The following KLHL1 variants were observed in gnomAD, a reference collection of about 807,000 sequenced individuals.
KLHL1 encodes the protein kelch like family member 1.
KLHL1 carries 47 observed loss-of-function variants against 77.7 expected under a neutral mutation model. The ratio of observed to expected loss-of-function variants is 0.60; its 90% CI spans 0.48 to 0.77. The LOEUF (loss-of-function observed/expected upper bound fraction) is 0.77. Among genes scored for constraint, KLHL1 ranks in the 30% least tolerant of loss-of-function variants. The pLI is 0.00. For missense variants in KLHL1, 925 were observed against 910.8 expected (o/e 1.02, Z -0.20); for synonymous variants, 360 against 325.2 (o/e 1.11, Z -1.15).
intron 3 of KLHL1, among the ~76,000 whole-genome samples, chr13:69,954,093 T>G (rs540650667): frequency 6.6e-6 from 1 of 151,270 alleles, no homozygotes; most frequent in Non-Finnish European, 1.5e-5. Flanking sequence ...CCAAGAGATA[T>G]TTCAAGTACT....
intron 7 of KLHL1, among the ~76,000 whole-genome samples, chr13:69,776,732 C>T (rs532944528): frequency 1.3e-4 from 20 of 152,140 alleles, no homozygotes; most frequent in Admixed American, 1.2e-3. Flanking sequence ...GAAAAACTTA[C>T]AAAAACAAAA....
At chr13:69,851,104 A>AC (rs1555273839) in intron 5 of KLHL1, among the ~76,000 whole-genome samples, 2 of 151,610 alleles carry the variant, frequency 1.3e-5, no homozygotes, top group African/African-American at 2.4e-5. Flanking sequence ...ACATACATAT[A>AC]TACTTTTATT....
At chr13:69,729,761 T>G (rs1005666511) in intron 8 of KLHL1, among the ~76,000 whole-genome samples, 1 of 151,836 alleles carries the variant, frequency 6.6e-6, no homozygotes, top group African/African-American at 2.4e-5. Flanking sequence ...CTAACTCAAT[T>G]TAAAGGAAAA....
At position 69,831,557 on chromosome 13, in the gene KLHL1, C is replaced by A. The variant is rs1459076200; in HGVS notation, c.1414+7419G>T. Among the ~76,000 whole-genome samples the A allele has an allele frequency of 2.0e-5, 3 of 149,762 alleles. 1 individual carries two copies. Among genetic ancestry groups the A allele is most frequent in the African/African-American group, 7.5e-5 (3 of 39,892 alleles). On this transcript the variant is annotated intron_variant, in intron 6 of 10. Transcript: ENST00000377844. ...TGGTACCAATTCTATTGAAACTATT[C>A]CAAAAGATAGAGAAGGAGAGAATCC... is the stretch of plus-strand genomic sequence containing the variant.
intron 1 of KLHL1, among the ~76,000 whole-genome samples, chr13:70,022,241 C>G (rs1432449637): frequency 6.6e-6 from 1 of 151,194 alleles, no homozygotes; most frequent in Non-Finnish European, 1.5e-5. Flanking sequence ...CTTTTTCCCT[C>G]TTTGCTCTTT....
At chr13:69,810,669 TAAATA>T (rs922052679) in intron 6 of KLHL1, among the ~76,000 whole-genome samples, 4 of 151,178 alleles carry the variant, frequency 2.6e-5, no homozygotes, top group Non-Finnish European at 5.9e-5. Context: ...CAGATTAAAA[TAAATA>T]AAATCAGAAA....
chr13:69,968,877 A>G (rs757039316), intron 2 of KLHL1, among the ~76,000 whole-genome samples: 8 of 152,138 alleles, frequency 5.3e-5, no homozygotes, highest in Non-Finnish European at 7.4e-5. Flanking sequence ...AAAGTATAAT[A>G]ATAAAAAAAA....
At position 69,740,430 on chromosome 13, in the gene KLHL1, G is replaced by A; in HGVS notation, c.1766C>T (p.Ala589Val). ...TGCTGCTACACCAACTGTGCTCCGA[G>A]CAATTGACATACTGGCTACAAATGT... ...QWTFVASMSI[A>V]RSTVGVAALN... The change falls in exon 8 of 11, where the codon GCT becomes GTT. Residue 589 changes from alanine (A) to valine (V), a missense_variant. Coordinates refer to ENST00000377844, the MANE Select transcript of KLHL1 (RefSeq NM_020866.3). The A allele has an allele frequency of 6.2e-7, 1 of 1,610,106 alleles. No homozygotes were observed. The highest frequency in any genetic ancestry group is 8.5e-7 in the Non-Finnish European group (1 of 1,177,328).
intron 6 of KLHL1, among the ~76,000 whole-genome samples, chr13:69,813,233 C>G (rs1381656012): frequency 1.3e-5 from 2 of 151,422 alleles, no homozygotes; most frequent in Non-Finnish European, 2.9e-5. Context: ...GACAAAAAAA[C>G]AAACACCGCA....
At chr13:69,783,460 C>G (rs140015165) in intron 7 of KLHL1, among the ~76,000 whole-genome samples, 3 of 151,996 alleles carry the variant, frequency 2.0e-5, no homozygotes, top group Admixed American at 6.6e-5. Context: ...ACTAGAATAA[C>G]CAAAGCAGAG....
chr13:70,074,739 A>G (rs1887219083), intron 1 of KLHL1, among the ~76,000 whole-genome samples: 2 of 82,232 alleles, frequency 2.4e-5, no homozygotes, highest in Non-Finnish European at 5.2e-5. Flanking sequence ...AACCCGAGCA[A>G]GCAAGAAAAA....
intron 1 of KLHL1, among the ~76,000 whole-genome samples, chr13:70,024,623 TCTCTC>T: frequency 2.9e-5 from 1 of 34,366 alleles, no homozygotes; most frequent in African/African-American, 2.6e-4. Context: ...AAAAGATTTC[TCTCTC>T]TCTCTCTCTC....
chr13:69,800,295 TC>T (rs1457173136), intron 6 of KLHL1, among the ~76,000 whole-genome samples: 3 of 152,148 alleles, frequency 2.0e-5, no homozygotes, highest in African/African-American at 7.2e-5. Flanking sequence ...ACAAGCTTTA[TC>T]CCACTCTTTC....
chr13:69,880,740 G>A (rs902325824), intron 5 of KLHL1, among the ~76,000 whole-genome samples: 12 of 152,082 alleles, frequency 7.9e-5, no homozygotes, highest in Admixed American at 5.9e-4. Flanking sequence ...GACATATCCT[G>A]AGAAGAGGAA....
At chr13:70,034,491 G>A (rs778181183) in intron 1 of KLHL1, among the ~76,000 whole-genome samples, 6 of 152,174 alleles carry the variant, frequency 3.9e-5, no homozygotes, top group Non-Finnish European at 7.3e-5. Context: ...TTTGCCTTAA[G>A]TTTGTGGAAC....
intron 1 of KLHL1, among the ~76,000 whole-genome samples, chr13:70,089,307 T>C (rs936797509): frequency 6.6e-6 from 1 of 152,162 alleles, no homozygotes; most frequent in Non-Finnish European, 1.5e-5. Context: ...TTGTTGTTGT[T>C]GTTTTGCCTT....
chr13:69,784,981 CCGGGTTCACGCCATT>C (rs1876442153), intron 7 of KLHL1, among the ~76,000 whole-genome samples: 1 of 149,416 alleles, frequency 6.7e-6, no homozygotes, highest in Non-Finnish European at 1.5e-5. Flanking sequence ...GCTCCGCCTC[CCGGGTTCACGCCATT>C]CTCCTGCCTC....
chr13:70,078,228 A>G (rs1461339602), intron 1 of KLHL1, among the ~76,000 whole-genome samples: 2 of 152,040 alleles, frequency 1.3e-5, no homozygotes, highest in Admixed American at 1.3e-4. Flanking sequence ...AGACCACTTA[A>G]GTACCAACCA....
intron 6 of KLHL1, among the ~76,000 whole-genome samples, chr13:69,821,297 T>A (rs576697219): frequency 6.6e-6 from 1 of 152,014 alleles, no homozygotes; most frequent in South Asian, 2.1e-4. Context: ...ATCGTAATAA[T>A]TTATTTATGT....
Sources: gnomAD v4.1 joint callset for allele counts (sites outside exome capture counted in the v4.1 genomes callset) on GRCh38, gnomAD v4.1.1 for gene constraint, MANE v1.5 for transcripts, NCBI Gene and HGNC (gene_info 2026-07-23, HGNC 2026-07-21) for gene names.